Variants in RB1CC1 observed in about 807,000 individuals in gnomAD.
The protein encoded by RB1CC1 is RB1-inducible coiled-coil protein 1.
In RB1CC1, 46 loss-of-function variants were observed where a neutral mutation model predicts 177.5. That is an observed-to-expected ratio of 0.26 (90% confidence interval 0.20 to 0.33). The LOEUF is 0.33. RB1CC1 is among the 10% of genes least tolerant of loss of function. RB1CC1 has a pLI of 1.00. For synonymous variants in RB1CC1, 666 were observed against 613.6 expected (o/e 1.09, Z -1.26); for missense variants, 1,703 against 1,816.3 (o/e 0.94, Z 1.13).
intron 1 of RB1CC1, among the ~76,000 whole-genome samples, chr8:52,706,688 C>T (rs1856581088): frequency 1.3e-5 from 2 of 150,846 alleles, no homozygotes; most frequent in African/African-American, 2.4e-5. Context: ...GCCGAGATCT[C>T]GCCACTGCAC....
At chr8:52,697,295 TAA>T (rs35428453) in intron 1 of RB1CC1, among the ~76,000 whole-genome samples, 142 of 87,900 alleles carry the variant, frequency 1.6e-3, no homozygotes, top group Non-Finnish European at 2.3e-3. Context: ...AAATGGTTAC[TAA>T]AAAAAAAAAA....
intron 1 of RB1CC1, among the ~76,000 whole-genome samples, chr8:52,704,471 A>AC (rs1856381195): frequency 8.1e-6 from 1 of 123,546 alleles, no homozygotes; most frequent in Non-Finnish European, 1.8e-5. Context: ...AAAAAAAAAA[A>AC]AAACACAAAA....
intron 15 of RB1CC1, among the ~76,000 whole-genome samples, chr8:52,651,310 G>A (rs1286238301): frequency 6.6e-6 from 1 of 152,200 alleles, no homozygotes; most frequent in Non-Finnish European, 1.5e-5. Context: ...ATCAAGGGCA[G>A]GTAAATCCAA....
intron 18 of RB1CC1, among the ~76,000 whole-genome samples, chr8:52,638,375 G>C (rs539679464): frequency 2.0e-5 from 3 of 152,168 alleles, no homozygotes; most frequent in Admixed American, 6.5e-5. Context: ...GGATCTATTA[G>C]TATTTTGCCG....
At chr8:52,668,958 A>G (rs1852320548) in intron 7 of RB1CC1, among the ~76,000 whole-genome samples, 1 of 152,150 alleles carries the variant, frequency 6.6e-6, no homozygotes, top group African/African-American at 2.4e-5. Context: ...ATCTTTCTAA[A>G]ACAGATGATT....
At chr8:52,696,320 G>T (rs1173230167) in intron 1 of RB1CC1, among the ~76,000 whole-genome samples, 1 of 152,180 alleles carries the variant, frequency 6.6e-6, no homozygotes, top group Non-Finnish European at 1.5e-5. Context: ...GGGATTACAG[G>T]TGTGAGCCAC....
Position 52,660,880 on chromosome 8 carries a change from C to A in RB1CC1, c.1627+46G>T, listed in dbSNP as rs748600861. The A allele has an allele frequency of 1.4e-5, 21 of 1,514,590 alleles. No individual in the cohort carries two copies. The East Asian group carries it at 4.6e-4, about 33-fold the overall frequency. 93.8% of individuals were successfully genotyped at this position (1,514,590 alleles called of 1,614,324 possible). ...TACAGAAAATCCAAGCTTATAAAAA[C>A]TTTTATCCTTTACAAAAGTAATTAA... On this transcript the variant is annotated intron_variant, in intron 11 of 23. Coordinates refer to ENST00000025008, the MANE Select transcript of RB1CC1 (RefSeq NM_014781.5).
intron 5 of RB1CC1, among the ~76,000 whole-genome samples, chr8:52,677,883 G>T (rs1030431296): frequency 6.6e-6 from 1 of 152,078 alleles, no homozygotes; most frequent in African/African-American, 2.4e-5. Context: ...TTGAAATGAC[G>T]AGTAAAAGAG....
intron 8 of RB1CC1, among the ~76,000 whole-genome samples, chr8:52,663,566 T>C (rs983594548): frequency 1.4e-4 from 22 of 152,284 alleles, no homozygotes; most frequent in African/African-American, 5.3e-4. Flanking sequence ...GAATGTATTA[T>C]ACTACGTTGT....
At chr8:52,660,459 T>A in intron 12 of RB1CC1, 137 bp downstream of exon 12, 1 of 812,946 alleles carries the variant, frequency 1.2e-6, no homozygotes, top group Non-Finnish European at 1.9e-6. Flanking sequence ...AACTGGCTTT[T>A]AAAGCCAAAA....
At chr8:52,689,467 G>A (rs1391194824) in intron 1 of RB1CC1, among the ~76,000 whole-genome samples, 3 of 152,120 alleles carry the variant, frequency 2.0e-5, no homozygotes, top group Non-Finnish European at 2.9e-5. Flanking sequence ...TACATGCTAG[G>A]TAGGTTGATC....
rs889539180 is a variant in RB1CC1 at position 52,714,041 on chromosome 8, G to A, written c.-167+34C>T. On this transcript the variant is annotated intron_variant, in intron 1 of 23. Coordinates refer to ENST00000025008, the MANE Select transcript of RB1CC1 (RefSeq NM_014781.5). ...CCGCCGCGCGACCGCTGTGCCAGAT[G>A]GGGGAAGGGGACGCGGGCGGCGGCG... is the stretch of plus-strand genomic sequence containing the variant. The A allele has an allele frequency of 1.8e-5, 6 of 341,298 alleles. No individual in the cohort carries two copies. In the Admixed American group the frequency reaches 1.9e-4, roughly 11 times the overall value. The allele number at this position is 341,298 out of a possible 1,614,324, so 21.1% of individuals were successfully genotyped here.
At chr8:52,699,830 A>AATATATATATATATATATAT (rs1211106554) in intron 1 of RB1CC1, among the ~76,000 whole-genome samples, 1 of 26,702 alleles carries the variant, frequency 3.7e-5, no homozygotes, top group Non-Finnish European at 7.6e-5. Context: ...AAAAAAAAAA[A>AATATATATATATATATATAT]ATATATATAT....
chr8:52,651,419 T>C (rs1384429821), intron 15 of RB1CC1, among the ~76,000 whole-genome samples: 1 of 152,252 alleles, frequency 6.6e-6, no homozygotes, highest in East Asian at 1.9e-4. Context: ...TAGAGGCCAT[T>C]TGGCCCACAA....
chr8:52,702,264 T>C (rs1290848121), intron 1 of RB1CC1, among the ~76,000 whole-genome samples: 1 of 152,204 alleles, frequency 6.6e-6, no homozygotes, highest in Admixed American at 6.5e-5. Flanking sequence ...AAAATATACC[T>C]ATTCATGCTA....
At chr8:52,647,134 C>CA (rs1284012151) in intron 15 of RB1CC1, among the ~76,000 whole-genome samples, 2 of 152,144 alleles carry the variant, frequency 1.3e-5, no homozygotes, top group African/African-American at 4.8e-5. Flanking sequence ...AATAATCATA[C>CA]AAAAAATTAT....
intron 8 of RB1CC1, 103 bp from the exon 9 acceptor site, chr8:52,661,822 T>A: frequency 1.2e-6 from 1 of 819,612 alleles, no homozygotes; most frequent in Non-Finnish European, 1.7e-6. Context: ...ACCCGTTTTG[T>A]GCCTTCTAAC....
Position 52,656,867 on chromosome 8 carries a change from G to T in RB1CC1, c.2962C>A (p.Leu988Ile), listed in dbSNP as rs1851124941. ...TGAAGTGTGTCCTCTAATTCCTTTA[G>T]ATGACTTTGCTCCAAGGACTGAAGT... ...AELQSLEQSH[L>I]KELEDTLQVR... Residue 988 changes from leucine to isoleucine, a missense_variant, in exon 15 of 24, where the codon CTA becomes ATA. By Grantham distance (5) the Leu-to-Ile change is conservative. This residue lies in a region of RB1CC1 where 1,169 missense variants were observed against 1,184.7 expected (regional missense o/e 0.99). Coordinates refer to ENST00000025008, the MANE Select transcript of RB1CC1 (RefSeq NM_014781.5). 2 of 1,613,270 alleles carry T rather than the reference G, an allele frequency of 1.2e-6. No individual in the cohort carries two copies. Among genetic ancestry groups the T allele is most frequent in the African/African-American group, 1.3e-5 (1 of 74,884 alleles).
chr8:52,713,418 T>C (rs1554564472), intron 1 of RB1CC1, among the ~76,000 whole-genome samples: 3 of 152,252 alleles, frequency 2.0e-5, no homozygotes, highest in Non-Finnish European at 1.5e-5. Context: ...TAATGTATTT[T>C]TGTTTCTACC....
Sources: gnomAD v4.1 joint callset for allele counts (sites outside exome capture counted in the v4.1 genomes callset) on GRCh38, gnomAD v4.1.1 for gene constraint, gnomAD v4.1.1 regional missense constraint, MANE v1.5 for transcripts, NCBI Gene and HGNC (gene_info 2026-07-23, HGNC 2026-07-21) for gene names.